GPBP1: variants seen among roughly 807,000 people sequenced by gnomAD.
GPBP1 encodes the protein GC-rich promoter binding protein 1, also known as vasculin.
Under a neutral mutation model 56.5 loss-of-function variants are expected in GPBP1, and 13 were observed. That is an observed-to-expected ratio of 0.23 (90% CI 0.15 to 0.37). The LOEUF is 0.37. GPBP1 is among the 10% of genes least tolerant of loss of function. The pLI is 1.00. For synonymous variants in GPBP1, 204 were observed against 188.9 expected (o/e 1.08, Z -0.66); for missense variants, 477 against 572.3 (o/e 0.83, Z 1.70).
chr5:57,203,364 T>G (rs934537767), intron 2 of GPBP1, among the ~76,000 whole-genome samples: 5 of 152,096 alleles, frequency 3.3e-5, no homozygotes, highest in Non-Finnish European at 4.4e-5. Context: ...GGTATGGCGC[T>G]GTGGCTCACA....
intron 10 of GPBP1, among the ~76,000 whole-genome samples, chr5:57,258,629 CAG>C (rs900335112): frequency 3.9e-5 from 6 of 152,110 alleles, no homozygotes; most frequent in African/African-American, 1.2e-4. Context: ...AAGGGAAACA[CAG>C]ATTGTTTTTA....
intron 2 of GPBP1, among the ~76,000 whole-genome samples, chr5:57,184,830 C>T (rs959107727): frequency 2.0e-5 from 3 of 152,198 alleles, no homozygotes; most frequent in African/African-American, 7.2e-5. Context: ...GATGTCCTTT[C>T]CTATTGGGTA....
intron 3 of GPBP1, among the ~76,000 whole-genome samples, chr5:57,217,902 T>C (rs565412308): frequency 3.3e-5 from 5 of 152,186 alleles, no homozygotes; most frequent in African/African-American, 1.2e-4. Context: ...ATTAAGAGTT[T>C]ATTTAAAAAT....
Position 57,231,182 on chromosome 5 carries a change from A to T in GPBP1, c.272A>T (p.His91Leu). The T allele has an allele frequency of 6.2e-7, 1 of 1,614,200 alleles. No homozygotes were observed. The part of the protein sequence containing the change: ...TENINHRGGY[H>L]GGSSRSRSSI... ...AACATAAATCATCGAGGTGGATACC[A>T]TGGTGGAAGTTCCCGTTCTCGTAGC... The change falls in exon 5 of 12, where the codon CAT becomes CTT. Residue 91 changes from histidine to leucine, a missense_variant. Physicochemically the swap from His to Leu is moderately conservative, Grantham distance 99. Coordinates refer to ENST00000506184, the MANE Select transcript of GPBP1 (RefSeq NM_022913.4).
In GPBP1 at chr5:57,256,459, C is replaced by CT. The variant is rs1403443198; in HGVS notation, c.1161-4717dup. 4.0e-5 allele frequency among the ~76,000 whole-genome samples: 6 copies of CT among 151,784 alleles called. No homozygotes were observed. In the East Asian group the frequency reaches 1.2e-3, roughly 29 times the overall value. The stretch of plus-strand genomic sequence containing the variant: ...TCTTTTTAAAACAGTGGATACTTTT[C>CT]TTTTATATTTAGGTTACTTTAAAAG... On this transcript the variant is annotated intron_variant, in intron 10 of 11. Transcript: ENST00000506184.
intron 3 of GPBP1, among the ~76,000 whole-genome samples, chr5:57,226,286 T>A (rs1756184020): frequency 6.6e-6 from 1 of 152,210 alleles, no homozygotes; most frequent in Non-Finnish European, 1.5e-5. Flanking sequence ...TACTTATTGG[T>A]GGTTCCCAAC....
chr5:57,200,770 C>T (rs1338587115), intron 2 of GPBP1, among the ~76,000 whole-genome samples: 2 of 152,140 alleles, frequency 1.3e-5, no homozygotes, highest in Non-Finnish European at 2.9e-5. Context: ...CAAGCTTCGC[C>T]TCCCGGGTTC....
At chr5:57,219,388 A>AC (rs1755833911) in intron 3 of GPBP1, among the ~76,000 whole-genome samples, 2 of 57,980 alleles carry the variant, frequency 3.4e-5, no homozygotes, top group Admixed American at 1.8e-4. Flanking sequence ...AAAAAAAAAA[A>AC]AAAAAAAAAA....
At chr5:57,185,831 C>A (rs544987803) in intron 2 of GPBP1, among the ~76,000 whole-genome samples, 11 of 150,420 alleles carry the variant, frequency 7.3e-5, no homozygotes, top group Non-Finnish European at 1.2e-4. Context: ...GAAAACCTGT[C>A]TTTACAAAAA....
intron 2 of GPBP1, among the ~76,000 whole-genome samples, chr5:57,191,736 A>T (rs185703914): frequency 1.3e-5 from 2 of 151,650 alleles, no homozygotes; most frequent in African/African-American, 4.9e-5. Context: ...TAATTTTTGT[A>T]TTTTTAGTAG....
At chr5:57,210,837 ATC>A (rs1755445074) in intron 2 of GPBP1, among the ~76,000 whole-genome samples, 1 of 152,130 alleles carries the variant, frequency 6.6e-6, no homozygotes, top group East Asian at 1.9e-4. Flanking sequence ...TGGTCCTTTT[ATC>A]TGTGCATGTG....
chr5:57,178,153 A>G (rs1753877816), intron 2 of GPBP1, among the ~76,000 whole-genome samples: 1 of 152,176 alleles, frequency 6.6e-6, no homozygotes, highest in Non-Finnish European at 1.5e-5. Flanking sequence ...TGACTTTTCA[A>G]GTTGCTTAAC....
chr5:57,199,706 TCTGAAAGCATA>T (rs1309350918), intron 2 of GPBP1, among the ~76,000 whole-genome samples: 1 of 152,200 alleles, frequency 6.6e-6, no homozygotes, highest in African/African-American at 2.4e-5. Context: ...AGATTTATTT[TCTGAAAGCATA>T]CTTCCAGATA....
At chr5:57,236,296 G>A (rs573732795) in intron 6 of GPBP1, among the ~76,000 whole-genome samples, 1 of 152,270 alleles carries the variant, frequency 6.6e-6, no homozygotes, top group South Asian at 2.1e-4. Flanking sequence ...TAATAAGTTA[G>A]TGTAATGAAT....
chr5:57,220,299 C>T (rs921824442), intron 3 of GPBP1, among the ~76,000 whole-genome samples: 2 of 151,816 alleles, frequency 1.3e-5, no homozygotes, highest in Admixed American at 1.3e-4. Flanking sequence ...TAATTGTTAA[C>T]GTGCGTTGAA....
intron 5 of GPBP1, 106 bp downstream of exon 5, chr5:57,231,427 C>G (rs1187266569): frequency 1.9e-5 from 16 of 823,488 alleles, no homozygotes; most frequent in Admixed American, 2.9e-5. Context: ...GCATCCACCA[C>G]CAGGCCCGCC....
chr5:57,209,325 A>G (rs966977247), intron 2 of GPBP1, among the ~76,000 whole-genome samples: 7 of 151,996 alleles, frequency 4.6e-5, no homozygotes, highest in South Asian at 4.2e-4. Flanking sequence ...CTGTCTCACT[A>G]TGTTCCCCAG....
chr5:57,231,566 GCACTGAGCCACTGTA>G (rs1370321925), intron 5 of GPBP1, among the ~76,000 whole-genome samples: 1 of 152,104 alleles, frequency 6.6e-6, no homozygotes, highest in Non-Finnish European at 1.5e-5. Flanking sequence ...GTGCCACTGC[GCACTGAGCCACTGTA>G]CACTGAGCTA....
intron 11 of GPBP1, among the ~76,000 whole-genome samples, chr5:57,261,780 T>A (rs1489994724): frequency 2.6e-5 from 4 of 152,216 alleles, no homozygotes; most frequent in African/African-American, 9.6e-5. Context: ...GTATTTCATA[T>A]TCTAAAACAT....
Sources: gnomAD v4.1 joint callset for allele counts (sites outside exome capture counted in the v4.1 genomes callset) on GRCh38, gnomAD v4.1.1 for gene constraint, MANE v1.5 for transcripts, NCBI Gene and HGNC (gene_info 2026-07-23, HGNC 2026-07-21) for gene names.